The following MPP7 variants were observed in gnomAD, a reference collection of about 807,000 sequenced individuals.
MPP7 encodes MAGUK p55 scaffold protein 7.
MPP7 carries 60 observed loss-of-function variants against 76.5 expected under a neutral mutation model. That is an observed-to-expected ratio of 0.78 (90% CI 0.64 to 0.97). The LOEUF is 0.97. Ranked by LOEUF, MPP7 falls within the 50% of genes least tolerant of loss-of-function variation. The pLI, the probability that MPP7 is intolerant of heterozygous loss-of-function variation, is 0.00. For synonymous variants in MPP7, 237 were observed against 244.5 expected (o/e 0.97, Z 0.29); for missense variants, 641 against 694.0 (o/e 0.92, Z 0.86).
At chr10:28,075,616 GT>G (rs1207668131) in intron 12 of MPP7, among the ~76,000 whole-genome samples, 1 of 152,100 alleles carries the variant, frequency 6.6e-6, no homozygotes, top group Non-Finnish European at 1.5e-5. Flanking sequence ...ACTTCTCCTT[GT>G]GTTGGGTCTT....
At chr10:28,311,763 C>T (rs957438513) in intron 2 of MPP7, among the ~76,000 whole-genome samples, 1 of 150,498 alleles carries the variant, frequency 6.6e-6, no homozygotes, top group Non-Finnish European at 1.5e-5. Context: ...TGTTAATACA[C>T]ACACACACAC....
At chr10:28,283,120 G>A (rs1441215791) in intron 1 of MPP7, among the ~76,000 whole-genome samples, 1 of 151,918 alleles carries the variant, frequency 6.6e-6, no homozygotes, top group Non-Finnish European at 1.5e-5. Context: ...TAAGGCACTG[G>A]CCAAAATAGG....
At chr10:28,065,583 T>A (rs1177878555) in intron 13 of MPP7, among the ~76,000 whole-genome samples, 1 of 152,128 alleles carries the variant, frequency 6.6e-6, no homozygotes. Flanking sequence ...GCTCACTGAG[T>A]ACCCACTATG....
At chr10:28,299,153 T>C (rs1247618372) in intron 1 of MPP7, among the ~76,000 whole-genome samples, 2 of 152,212 alleles carry the variant, frequency 1.3e-5, no homozygotes, top group African/African-American at 4.8e-5. Context: ...CATTCAGAGC[T>C]CGCTTGTTTG....
At chr10:28,226,214 T>C (rs1838684327) in intron 2 of MPP7, among the ~76,000 whole-genome samples, 1 of 151,972 alleles carries the variant, frequency 6.6e-6, no homozygotes, top group Admixed American at 6.6e-5. Context: ...GAAAGTAGAA[T>C]GGTGATTGAC....
intron 3 of MPP7, among the ~76,000 whole-genome samples, chr10:28,156,910 C>A (rs1160062986): frequency 6.6e-6 from 1 of 152,052 alleles, no homozygotes; most frequent in East Asian, 1.9e-4. Flanking sequence ...TGGAAAGATT[C>A]TTAGAAAAAG....
chr10:28,281,220 C>A (rs995017138), intron 1 of MPP7, among the ~76,000 whole-genome samples: 3 of 151,986 alleles, frequency 2.0e-5, no homozygotes, highest in Admixed American at 6.6e-5. Flanking sequence ...GCTGGGATTA[C>A]CAGCGCACGC....
chr10:28,130,144 A>G lies in MPP7; in HGVS notation c.447+1416T>C, dbSNP rs558475764. On this transcript the variant is annotated intron_variant, in intron 6 of 16. Coordinates refer to ENST00000683449, the MANE Select transcript of MPP7 (RefSeq NM_001318170.2). ...CTAATATCTTTTAAATATTAGATGGAATATATTCTAATATCTTTTAAATAT... is the reference window on the plus strand; with the variant it reads ...CTAATATCTTTTAAATATTAGATGGGATATATTCTAATATCTTTTAAATAT... 3.9e-3 allele frequency among the ~76,000 whole-genome samples: 461 copies of G among 118,248 alleles called. 2 individuals carry two copies. Among genetic ancestry groups the G allele is most frequent in the Admixed American group, 9.2e-3 (107 of 11,634 alleles). 77.6% of individuals were successfully genotyped at this position (118,248 alleles called of 152,430 possible).
At chr10:28,252,928 G>A (rs185199826) in intron 1 of MPP7, among the ~76,000 whole-genome samples, 1,962 of 151,826 alleles carry the variant, frequency 0.013, 20 homozygotes, top group Non-Finnish European at 0.02. Flanking sequence ...GGGAGGGGGG[G>A]GCGGAGTCCC....
At chr10:28,263,917 T>A (rs1244151343) in intron 1 of MPP7, among the ~76,000 whole-genome samples, 1 of 151,650 alleles carries the variant, frequency 6.6e-6, no homozygotes, top group African/African-American at 2.4e-5. Context: ...GCGTTCTAGC[T>A]CCATACCCAA....
At chr10:28,332,265 G>GTGTGTGTGTGTGTA (rs1834478403) in intron 1 of MPP7, among the ~76,000 whole-genome samples, 3 of 152,056 alleles carry the variant, frequency 2.0e-5, no homozygotes, top group Non-Finnish European at 4.4e-5. Flanking sequence ...GTGTGTGTGT[G>GTGTGTGTGTGTGTA]TGTGTGTGTG....
At chr10:28,220,930 A>G (rs1588944195) in intron 2 of MPP7, among the ~76,000 whole-genome samples, 1 of 152,152 alleles carries the variant, frequency 6.6e-6, no homozygotes, top group Non-Finnish European at 1.5e-5. Flanking sequence ...GAGGCTTGTT[A>G]GTGGAATTAA....
intron 1 of MPP7, among the ~76,000 whole-genome samples, chr10:28,333,580 G>A (rs1834489350): frequency 6.6e-6 from 1 of 152,114 alleles, no homozygotes; most frequent in African/African-American, 2.4e-5. Context: ...ATGCAACGTT[G>A]TACATTTGTG....
chr10:28,277,855 G>T (rs886838793), intron 1 of MPP7, among the ~76,000 whole-genome samples: 2 of 151,968 alleles, frequency 1.3e-5, no homozygotes, highest in Non-Finnish European at 2.9e-5. Context: ...GGGATTCGAA[G>T]GTAAGTCCAC....
Position 28,058,491 on chromosome 10 carries a change from T to G in MPP7, c.1407+4A>C. The G allele has an allele frequency of 6.4e-7, 1 of 1,563,854 alleles. No homozygotes were observed. Among genetic ancestry groups the G allele is most frequent in the Middle Eastern group, 1.7e-4 (1 of 5,926 alleles). On this transcript the variant is annotated splice_donor_region_variant and intron_variant, in intron 15 of 16. Coordinates refer to ENST00000683449, the MANE Select transcript of MPP7 (RefSeq NM_001318170.2). The stretch of plus-strand genomic sequence containing the variant: ...GGGTATTGAATAGCTCATTGTTTAC[T>G]TACATGAGGCTGAACATCCAACAAA...
chr10:28,084,282 C>T (rs1425233499), intron 12 of MPP7, among the ~76,000 whole-genome samples: 1 of 152,218 alleles, frequency 6.6e-6, no homozygotes, highest in Admixed American at 6.5e-5. Context: ...AGCCAATTCA[C>T]AATCACTAAC....
At chr10:28,282,276 C>A (rs1168549659) in intron 1 of MPP7, 9 of 152,090 alleles carry the variant, frequency 5.9e-5, no homozygotes, top group Non-Finnish European at 1.3e-4. Flanking sequence ...GGCAGTTCAG[C>A]AACCTTGGCT....
intron 1 of MPP7, among the ~76,000 whole-genome samples, chr10:28,242,393 T>C (rs1237731472): frequency 1.3e-5 from 2 of 152,168 alleles, no homozygotes; most frequent in Admixed American, 6.5e-5. Context: ...AAAAGCTCAA[T>C]CTGAAAGACT....
intron 3 of MPP7, among the ~76,000 whole-genome samples, chr10:28,194,066 G>A (rs1165839868): frequency 6.6e-6 from 1 of 152,208 alleles, no homozygotes; most frequent in Non-Finnish European, 1.5e-5. Flanking sequence ...CCAGGCTGGA[G>A]TGCAGTGACA....
Sources: allele counts gnomAD v4.1 joint callset (sites outside exome capture counted in the v4.1 genomes callset), GRCh38; gene constraint gnomAD v4.1.1; transcripts MANE v1.5; gene names NCBI Gene and HGNC (gene_info 2026-07-23, HGNC 2026-07-21).